Variants in CNKSR2 observed in about 807,000 individuals in gnomAD.
The protein encoded by CNKSR2 is CNK homolog protein 2.
In CNKSR2, 14 loss-of-function variants were observed where a neutral mutation model predicts 84.4. That is an observed-to-expected ratio of 0.17 (90% CI 0.11 to 0.26). The LOEUF (loss-of-function observed/expected upper bound fraction) is 0.26, where lower values mean the gene tolerates loss of function less well. CNKSR2 is among the 10% of genes least tolerant of loss of function. The pLI is 1.00. For synonymous variants in CNKSR2, 275 were observed against 277.9 expected, an observed-to-expected ratio of 0.99 and a Z score of 0.10; for missense variants, 485 against 771.2, an observed-to-expected ratio of 0.63 and a Z score of 4.40.
At chrX:21,423,444 A>G (rs1280386750) in intron 1 of CNKSR2, 2 of 112,292 alleles carry the variant, frequency 1.8e-5, no homozygotes, top group East Asian at 5.6e-4. Context: ...GAATTGATAT[A>G]AAACTATTGA....
At chrX:21,611,430 G>C (rs1038921957) in intron 20 of CNKSR2, among the ~76,000 whole-genome samples, 1 of 112,070 alleles carries the variant, frequency 8.9e-6, no homozygotes, top group Non-Finnish European at 1.9e-5. Context: ...ATGTTGTCTT[G>C]TTTTGAATAA....
chrX:21,449,303 CAAAAAAA>C (rs11308049), intron 4 of CNKSR2, among the ~76,000 whole-genome samples: 2 of 44,353 alleles, frequency 4.5e-5, no homozygotes, highest in South Asian at 1.6e-3. Context: ...GACTCCGTCT[CAAAAAAA>C]AAAAAAAAAA....
intron 13 of CNKSR2, among the ~76,000 whole-genome samples, chrX:21,579,932 T>C (rs2092343731): frequency 8.9e-6 from 1 of 111,992 alleles, no homozygotes; most frequent in Admixed American, 9.5e-5. Flanking sequence ...TGAGATTGCG[T>C]AAGTTGCCTC....
intron 13 of CNKSR2, among the ~76,000 whole-genome samples, chrX:21,574,652 G>A (rs868034975): frequency 3.6e-5 from 4 of 111,072 alleles, no homozygotes; most frequent in Non-Finnish European, 7.5e-5. Flanking sequence ...CCCTCCCACC[G>A]TATGTGGGAA....
chrX:21,520,047 T>C (rs762417706), intron 9 of CNKSR2, among the ~76,000 whole-genome samples: 2 of 111,501 alleles, frequency 1.8e-5, no homozygotes, highest in Non-Finnish European at 3.8e-5. Flanking sequence ...TTAACTACAA[T>C]GATGAATTTT....
chrX:21,641,770 G>T, intron 20 of CNKSR2: 1 of 1,024,491 alleles, frequency 9.8e-7, no homozygotes, highest in Non-Finnish European at 1.2e-6. Flanking sequence ...AAGTGTTTTG[G>T]ATTGGGGGCC....
intron 12 of CNKSR2, 48 bp from the exon 13 acceptor site, chrX:21,563,190 T>C: frequency 1.0e-6 from 1 of 960,494 alleles, no homozygotes; most frequent in East Asian, 3.4e-5. Context: ...ATGGTAAATT[T>C]GGGGTATTTG....
rs1369232243 is a variant in CNKSR2 at position 21,374,627 on chromosome X, A to AGCAGCC, written c.-268_-263dup. 1.2e-5 allele frequency: 6 copies of AGCAGCC among 492,317 alleles called. No individual in the cohort carries two copies. Among genetic ancestry groups the AGCAGCC allele is most frequent in the Admixed American group, 8.4e-5 (3 of 35,698 alleles). The allele number at this position is 492,317 out of a possible 1,213,427, so 40.6% of individuals were successfully genotyped here. A position where few individuals can be genotyped will look rare whatever the true frequency, so the allele number is the denominator to read the frequency against. ...CAGCAGCAGCAGCAGCAGCAGCAGC[A>AGCAGCC]GCAGCCGCCGCCGCCGCCGCCTTAG... is the stretch of plus-strand genomic sequence containing the variant. On this transcript the variant is annotated 5_prime_UTR_variant, in exon 1 of 22. Coordinates refer to ENST00000379510, the MANE Select transcript of CNKSR2 (RefSeq NM_014927.5).
chrX:21,590,116 A>G (rs1190293122), intron 13 of CNKSR2, among the ~76,000 whole-genome samples: 1 of 111,667 alleles, frequency 9.0e-6, no homozygotes, highest in Non-Finnish European at 1.9e-5. Context: ...GTGCTGAAAT[A>G]TGTAGGGACT....
chrX:21,523,932 G>C (rs2091809592), intron 9 of CNKSR2, among the ~76,000 whole-genome samples: 1 of 110,191 alleles, frequency 9.1e-6, no homozygotes, highest in Non-Finnish European at 1.9e-5. Flanking sequence ...AAAATTTTTA[G>C]AGATTATAAT....
intron 4 of CNKSR2, among the ~76,000 whole-genome samples, chrX:21,448,229 A>G (rs2090880610): frequency 8.9e-6 from 1 of 111,736 alleles, no homozygotes; most frequent in African/African-American, 3.3e-5. Context: ...ATACATTTAT[A>G]AAGGAGTCTG....
At chrX:21,516,806 AT>A (rs1182967409) in intron 9 of CNKSR2, among the ~76,000 whole-genome samples, 175 bp downstream of exon 9, 1 of 111,361 alleles carries the variant, frequency 9.0e-6, no homozygotes, top group Non-Finnish European at 1.9e-5. Flanking sequence ...TTGTGATGAA[AT>A]CCTTGAGTAT....
At chrX:21,393,492 C>T (rs1186391684) in intron 1 of CNKSR2, among the ~76,000 whole-genome samples, 5 of 112,287 alleles carry the variant, frequency 4.5e-5, no homozygotes, top group Non-Finnish European at 9.4e-5. Context: ...TATCTTAAAA[C>T]TTTAGAATTT....
Position 21,607,218 on chromosome X carries a change from C to T in CNKSR2, c.2145+339C>T, listed in dbSNP as rs182628675. Among the ~76,000 whole-genome samples the T allele has an allele frequency of 2.6e-4, 29 of 111,890 alleles. No individual in the cohort carries two copies. The East Asian group carries it at 6.4e-3, about 25-fold the overall frequency. ...ATATAAAATGACCTTATCTATTCCACACTAATAAAGTGTATTCCTATGTCC... is the reference window on the plus strand; with the variant it reads ...ATATAAAATGACCTTATCTATTCCATACTAATAAAGTGTATTCCTATGTCC... On this transcript the variant is annotated intron_variant, in intron 19 of 21. Transcript: ENST00000379510.
At position 21,541,583 on chromosome X, in the gene CNKSR2, A is replaced by G. The variant is rs3795178; in HGVS notation, c.1303+9516A>G. On this transcript the variant is annotated intron_variant, in intron 11 of 21. Transcript: ENST00000379510. ...TTTTGTTATAACAATGAGGAAGAAGATGGTTTTGTAATCTGTGGTTTCACT... is the reference window on the plus strand; with the variant it reads ...TTTTGTTATAACAATGAGGAAGAAGGTGGTTTTGTAATCTGTGGTTTCACT... 5.4e-3 allele frequency among the ~76,000 whole-genome samples: 600 copies of G among 111,695 alleles called. 15 individuals are homozygous for G. The East Asian group carries it at 0.12, about 22-fold the overall frequency.
At chrX:21,613,746 C>T (rs189175762) in intron 20 of CNKSR2, among the ~76,000 whole-genome samples, 451 of 111,882 alleles carry the variant, frequency 4.0e-3, no homozygotes, top group Non-Finnish European at 6.8e-3. Context: ...TTGAAACCAG[C>T]CTGGCCAACA....
chrX:21,509,353 CT>C (rs2091647335), intron 8 of CNKSR2, among the ~76,000 whole-genome samples: 1 of 111,613 alleles, frequency 9.0e-6, no homozygotes, highest in Non-Finnish European at 1.9e-5. Context: ...AAATTGTCGG[CT>C]TTTTTTCTCT....
At chrX:21,473,727 TTTG>T (rs1253893715) in intron 5 of CNKSR2, among the ~76,000 whole-genome samples, 1 of 105,757 alleles carries the variant, frequency 9.5e-6, no homozygotes, top group African/African-American at 3.6e-5. Flanking sequence ...ATTTAGGTTT[TTTG>T]TTGTTGTTGG....
chrX:21,467,037 A>T, intron 4 of CNKSR2, among the ~76,000 whole-genome samples: 1 of 111,870 alleles, frequency 8.9e-6, no homozygotes, highest in Non-Finnish European at 1.9e-5. Context: ...GGGAAAAAAT[A>T]ATGAATTGGG....
Sources: allele counts gnomAD v4.1 joint callset (sites outside exome capture counted in the v4.1 genomes callset), GRCh38; gene constraint gnomAD v4.1.1; transcripts MANE v1.5; gene names NCBI Gene and HGNC (gene_info 2026-07-23, HGNC 2026-07-21).